The following STPG2 variants were observed in gnomAD, a reference collection of about 807,000 sequenced individuals.
The protein encoded by STPG2 is sperm tail PG-rich repeat containing 2, also known as sperm-tail PG-rich repeat-containing protein 2.
A neutral mutation model predicts 54.2 loss-of-function variants in STPG2; 56 were observed. The ratio of observed to expected loss-of-function variants is 1.03; its 90% CI spans 0.83 to 1.29. STPG2 has a LOEUF of 1.29. Among genes scored for constraint, STPG2 ranks in the 50% most tolerant of loss-of-function variants. The pLI, the probability that STPG2 is intolerant of heterozygous loss-of-function variation, is 0.00. For missense variants in STPG2, 596 were observed against 544.9 expected (o/e 1.09, Z -0.93); for synonymous variants, 200 against 181.8 (o/e 1.10, Z -0.81).
chr4:97,724,575 TGTG>T (rs1210317685), intron 9 of STPG2, among the ~76,000 whole-genome samples: 3 of 152,172 alleles, frequency 2.0e-5, no homozygotes, highest in African/African-American at 7.2e-5. Flanking sequence ...ATCCAGCAAG[TGTG>T]GTGAATTTTC....
intron 8 of STPG2, among the ~76,000 whole-genome samples, chr4:97,895,621 T>A (rs1305151115): frequency 6.6e-6 from 1 of 151,834 alleles, no homozygotes; most frequent in Non-Finnish European, 1.5e-5. Flanking sequence ...AGATTTTACA[T>A]GCTGGCATAA....
chr4:97,655,783 C>A (rs35739409), intron 10 of STPG2, among the ~76,000 whole-genome samples: 1 of 151,934 alleles, frequency 6.6e-6, no homozygotes, highest in Non-Finnish European at 1.5e-5. Flanking sequence ...TTATACAATT[C>A]TTCAAATTAA....
chr4:98,085,800 A>G (rs1387848859), intron 5 of STPG2, among the ~76,000 whole-genome samples: 1 of 152,034 alleles, frequency 6.6e-6, no homozygotes, highest in African/African-American at 2.4e-5. Flanking sequence ...ATGTTATTTC[A>G]TTAAATTAAA....
intron 8 of STPG2, among the ~76,000 whole-genome samples, chr4:97,934,513 T>G (rs1458374798): frequency 2.6e-5 from 4 of 152,248 alleles, no homozygotes; most frequent in Admixed American, 6.5e-5. Flanking sequence ...TAAATGGCTC[T>G]TATTATTTTG....
intron 10 of STPG2, among the ~76,000 whole-genome samples, chr4:97,683,356 T>C (rs72892855): frequency 0.087 from 13,259 of 151,844 alleles, 1,640 homozygotes; most frequent in African/African-American, 0.27. Flanking sequence ...AAATCAATAA[T>C]TTCAGATTTA....
intron 4 of STPG2, among the ~76,000 whole-genome samples, chr4:97,515,753 A>C (rs927981701): frequency 3.9e-5 from 6 of 151,994 alleles, no homozygotes; most frequent in Non-Finnish European, 8.8e-5. Context: ...ACATATTAGA[A>C]ACTATGTTTC....
chr4:97,607,138 A>G (rs1352671120), intron 10 of STPG2, among the ~76,000 whole-genome samples: 1 of 152,050 alleles, frequency 6.6e-6, no homozygotes, highest in Non-Finnish European at 1.5e-5. Context: ...GATATACATT[A>G]TTTTAAAATT....
intron 5 of STPG2, among the ~76,000 whole-genome samples, chr4:97,990,704 T>C (rs1399551983): frequency 6.6e-6 from 1 of 152,170 alleles, no homozygotes; most frequent in Non-Finnish European, 1.5e-5. Flanking sequence ...CTTGAAAGTA[T>C]ACTGCCGTGG....
At chr4:97,938,455 A>ACTGCCTTTCCACC (rs374685227) in intron 8 of STPG2, among the ~76,000 whole-genome samples, 3 of 151,682 alleles carry the variant, frequency 2.0e-5, no homozygotes, top group Non-Finnish European at 4.4e-5. Context: ...CACAGTGACT[A>ACTGCCTTTCCACC]AGTCAGAAGG....
intron 10 of STPG2, among the ~76,000 whole-genome samples, chr4:97,703,318 T>C (rs1439444176): frequency 1.3e-5 from 2 of 150,656 alleles, no homozygotes; most frequent in African/African-American, 4.9e-5. Context: ...CTTAATATTC[T>C]GTTCTTCTAG....
At chr4:97,521,436 T>C (rs1289590039) in intron 4 of STPG2, among the ~76,000 whole-genome samples, 1 of 151,996 alleles carries the variant, frequency 6.6e-6, no homozygotes, top group African/African-American at 2.4e-5. Context: ...TATTAGAAGG[T>C]TCCCAATGCC....
chr4:97,581,137 TTAAAA>T (rs1478188962), intron 10 of STPG2, among the ~76,000 whole-genome samples: 1 of 152,118 alleles, frequency 6.6e-6, no homozygotes, highest in East Asian at 1.9e-4. Context: ...TGAATTAATA[TTAAAA>T]TAAATTACAA....
chr4:97,448,667 C>A (rs1205140341), intron 4 of STPG2, among the ~76,000 whole-genome samples: 2 of 152,160 alleles, frequency 1.3e-5, no homozygotes, highest in Non-Finnish European at 2.9e-5. Context: ...GTCAATTAAA[C>A]CTCTTTCCTT....
At chr4:98,108,048 T>G (rs1215017068) in intron 4 of STPG2, among the ~76,000 whole-genome samples, 1 of 152,114 alleles carries the variant, frequency 6.6e-6, no homozygotes, top group Non-Finnish European at 1.5e-5. Context: ...GTGAACAGCA[T>G]AATGGATTAG....
chr4:97,961,051 C>G (rs11729345), intron 7 of STPG2, among the ~76,000 whole-genome samples: 40 of 151,230 alleles, frequency 2.6e-4, no homozygotes, highest in Non-Finnish European at 4.4e-4. Context: ...TAAATACTTA[C>G]AGTCAACTGG....
chr4:97,899,884 G>T (rs149455426), intron 8 of STPG2, among the ~76,000 whole-genome samples: 295 of 152,068 alleles, frequency 1.9e-3, no homozygotes, highest in African/African-American at 7.0e-3. Flanking sequence ...GACAACCTAG[G>T]CAATATCATT....
intron 9 of STPG2, among the ~76,000 whole-genome samples, chr4:97,762,799 A>G (rs1009695435): frequency 2.6e-5 from 4 of 152,206 alleles, no homozygotes; most frequent in Admixed American, 6.6e-5. Context: ...CTATCAGATT[A>G]TGAAAAGATA....
chr4:97,939,014 T>C (rs1191391885), intron 8 of STPG2, among the ~76,000 whole-genome samples: 2 of 152,200 alleles, frequency 1.3e-5, no homozygotes, highest in East Asian at 3.8e-4. Flanking sequence ...GTTATCTTTG[T>C]TCTCATTATG....
chr4:97,743,270 G>C (rs1307008587), intron 9 of STPG2, among the ~76,000 whole-genome samples: 1 of 151,696 alleles, frequency 6.6e-6, no homozygotes, highest in African/African-American at 2.4e-5. Flanking sequence ...TCCACACCTA[G>C]CACTGTGCCT....
Sources: gnomAD v4.1 joint callset for allele counts (sites outside exome capture counted in the v4.1 genomes callset) on GRCh38, gnomAD v4.1.1 for gene constraint, MANE v1.5 for transcripts, NCBI Gene and HGNC (gene_info 2026-07-23, HGNC 2026-07-21) for gene names.